GALNT13: variants seen among roughly 807,000 people sequenced by gnomAD.
GALNT13 encodes the protein UDP-GalNAc:polypeptide N-acetylgalactosaminyltransferase 13.
In GALNT13, 28 loss-of-function variants were observed where a neutral mutation model predicts 64.2. The ratio of observed to expected loss-of-function variants is 0.44; its 90% CI spans 0.32 to 0.60. The LOEUF (loss-of-function observed/expected upper bound fraction) is 0.60. Among genes scored for constraint, GALNT13 ranks in the 20% least tolerant of loss-of-function variants. GALNT13 has a pLI of 0.05. For synonymous variants in GALNT13, 214 were observed against 224.6 expected (o/e 0.95, Z 0.42); for missense variants, 577 against 669.8 (o/e 0.86, Z 1.53).
At chr2:153,438,158 C>G in the GALNT13 span, among the ~76,000 whole-genome samples, 39,060 of 151,836 alleles carry the variant, frequency 0.26, 5,205 homozygotes, top group African/African-American at 0.31. Flanking sequence ...TTGGCCCCCA[C>G]TCTCTTCTGG....
At chr2:153,783,949 G>GCACT in the GALNT13 span, among the ~76,000 whole-genome samples, 1 of 152,148 alleles carries the variant, frequency 6.6e-6, no homozygotes, top group Non-Finnish European at 1.5e-5. Flanking sequence ...CATGAGAAGT[G>GCACT]ACTCATACAG....
chr2:154,028,823 A>T (rs1016788482), intron 3 of GALNT13, among the ~76,000 whole-genome samples: 2 of 152,108 alleles, frequency 1.3e-5, no homozygotes, highest in African/African-American at 4.8e-5. Context: ...GGATAAAAAA[A>T]TAATGGGAAA....
the GALNT13 span, among the ~76,000 whole-genome samples, chr2:153,492,530 A>C: frequency 1.3e-5 from 2 of 149,544 alleles, no homozygotes; most frequent in South Asian, 4.5e-4. Context: ...GCTGAGACAT[A>C]AACTCTCAGC....
Position 154,301,475 on chromosome 2 carries a change from G to C in GALNT13, c.1042G>C (p.Ala348Pro), listed in dbSNP as rs780779481. 1.9e-6 allele frequency: 3 copies of C among 1,613,756 alleles called. No individual in the cohort carries two copies. The highest frequency in any genetic ancestry group is 2.5e-6 in the Non-Finnish European group (3 of 1,179,738). Residue 348 changes from alanine (A) to proline (P), a missense_variant, in exon 9 of 13, where the codon GCA becomes CCA. Transcript: ENST00000392825. ...CSHVGHVFRK[A>P]TPYTFPGGTG... ...CCATGTTGGTCATGTTTTTCGGAAG[G>C]CAACTCCATACACTTTTCCTGGTGG...
rs1304416911 is a variant in GALNT13 at position 154,453,228 on chromosome 2, G to A, written c.*2677G>A. 2 of 152,062 alleles carry A rather than the reference G, an allele frequency of 1.3e-5. No individual in the cohort carries two copies. Among genetic ancestry groups the A allele is most frequent in the Non-Finnish European group, 2.9e-5 (2 of 68,028 alleles). The allele number at this position is 152,062 out of a possible 1,614,324, so 9.4% of individuals were successfully genotyped here. A position where few individuals can be genotyped will look rare whatever the true frequency, so the allele number is the denominator to read the frequency against. ...CAGCCATAGTGATTCTGTTAACCAT[G>A]AATTTGATTGTGTCACTTCCCTGCT... On this transcript the variant is annotated 3_prime_UTR_variant, in exon 13 of 13. Coordinates refer to ENST00000392825, the MANE Select transcript of GALNT13 (RefSeq NM_052917.4).
the GALNT13 span, among the ~76,000 whole-genome samples, chr2:153,555,631 C>A: frequency 6.6e-6 from 1 of 152,172 alleles, no homozygotes; most frequent in Admixed American, 6.5e-5. Flanking sequence ...ACCCTTATCC[C>A]ATTTTACACA....
At chr2:154,426,042 GGC>G (rs1229798433) in intron 11 of GALNT13, among the ~76,000 whole-genome samples, 1 of 152,140 alleles carries the variant, frequency 6.6e-6, no homozygotes, top group Non-Finnish European at 1.5e-5. Flanking sequence ...GAGGAATTCA[GGC>G]ACAATGTGGC....
chr2:153,283,172 C>T, the GALNT13 span, among the ~76,000 whole-genome samples: 1 of 152,174 alleles, frequency 6.6e-6, no homozygotes, highest in East Asian at 1.9e-4. Flanking sequence ...CCAGACAGGG[C>T]TGGCCCATCT....
intron 4 of GALNT13, among the ~76,000 whole-genome samples, chr2:154,145,092 CTATCTATCTATA>C (rs1223546583): frequency 3.1e-5 from 4 of 127,780 alleles, no homozygotes; most frequent in South Asian, 2.5e-4. Flanking sequence ...ATCTATCTAT[CTATCTATCTATA>C]TATATATATA....
chr2:153,171,234 A>G, the GALNT13 span, among the ~76,000 whole-genome samples: 2 of 152,216 alleles, frequency 1.3e-5, no homozygotes, highest in South Asian at 4.1e-4. Flanking sequence ...GAAGCTGTAA[A>G]TGCTTCTGAT....
chr2:154,023,307 TTA>T (rs753600032), intron 3 of GALNT13, among the ~76,000 whole-genome samples: 39 of 152,152 alleles, frequency 2.6e-4, no homozygotes, highest in Non-Finnish European at 5.6e-4. Context: ...AAGTCTCCGA[TTA>T]TTATTGTGTG....
the GALNT13 span, among the ~76,000 whole-genome samples, chr2:153,290,977 G>A: frequency 6.6e-6 from 1 of 152,204 alleles, no homozygotes; most frequent in South Asian, 2.1e-4. Context: ...AAATCTAGAT[G>A]TTGTTTTACA....
At chr2:153,113,651 T>C in the GALNT13 span, among the ~76,000 whole-genome samples, 411 of 152,168 alleles carry the variant, frequency 2.7e-3, 6 homozygotes, top group African/African-American at 9.5e-3. Flanking sequence ...GCACCATCCC[T>C]GGGTAATTAT....
At chr2:153,891,273 A>G (rs1687534170) in intron 1 of GALNT13, among the ~76,000 whole-genome samples, 1 of 152,056 alleles carries the variant, frequency 6.6e-6, no homozygotes, top group African/African-American at 2.4e-5. Context: ...GCCAAAAAGG[A>G]TTTAGGTCAG....
chr2:153,347,820 C>G, the GALNT13 span, among the ~76,000 whole-genome samples: 1 of 152,178 alleles, frequency 6.6e-6, no homozygotes, highest in African/African-American at 2.4e-5. Flanking sequence ...GGGTTTTACT[C>G]TTAGTAATCA....
At chr2:153,858,524 A>G in the GALNT13 span, among the ~76,000 whole-genome samples, 1 of 152,140 alleles carries the variant, frequency 6.6e-6, no homozygotes, top group Non-Finnish European at 1.5e-5. Context: ...GCAGTCCAAA[A>G]GTAGGTGAGT....
At chr2:153,819,638 TA>T in the GALNT13 span, among the ~76,000 whole-genome samples, 209 of 152,120 alleles carry the variant, frequency 1.4e-3, no homozygotes, top group Admixed American at 3.1e-3. Flanking sequence ...CACCTCACAG[TA>T]AAAAAGGATC....
chr2:153,117,043 C>T, the GALNT13 span, among the ~76,000 whole-genome samples: 2 of 151,772 alleles, frequency 1.3e-5, no homozygotes, highest in Admixed American at 1.3e-4. Context: ...TCGTGATCCA[C>T]CCGCCTAGGC....
At chr2:153,383,807 C>G in the GALNT13 span, among the ~76,000 whole-genome samples, 3 of 151,932 alleles carry the variant, frequency 2.0e-5, no homozygotes, top group African/African-American at 7.2e-5. Context: ...CTATTATGAG[C>G]CCAGGATGAG....
Sources: gnomAD v4.1 joint callset for allele counts (sites outside exome capture counted in the v4.1 genomes callset) on GRCh38, gnomAD v4.1.1 for gene constraint, MANE v1.5 for transcripts, NCBI Gene and HGNC (gene_info 2026-07-23, HGNC 2026-07-21) for gene names.